ROR1: variants seen among roughly 807,000 people sequenced by gnomAD.
ROR1 encodes the protein ROR family WNT receptor 1.
In ROR1, 19 loss-of-function variants were observed where a neutral mutation model predicts 78.8. The observed-to-expected ratio is 0.24, with a 90% confidence interval of 0.17 to 0.35. The LOEUF (loss-of-function observed/expected upper bound fraction) is 0.35, where lower values mean the gene tolerates loss of function less well. Ranked by LOEUF, ROR1 falls within the 10% of genes least tolerant of loss-of-function variation. ROR1 has a pLI of 1.00. For missense variants in ROR1, 917 were observed against 1,177.8 expected (o/e 0.78, Z 3.24); for synonymous variants, 386 against 433.6 (o/e 0.89, Z 1.36).
chr1:64,005,506 A>G (rs191770634), intron 1 of ROR1, among the ~76,000 whole-genome samples: 161 of 152,302 alleles, frequency 1.1e-3, no homozygotes, highest in Admixed American at 9.3e-3. Context: ...GGTGGTAAAT[A>G]TACCTGGAAA....
At chr1:63,844,393 C>A (rs1040703658) in intron 1 of ROR1, among the ~76,000 whole-genome samples, 1 of 152,188 alleles carries the variant, frequency 6.6e-6, no homozygotes, top group South Asian at 2.1e-4. Context: ...TTGGATGCTC[C>A]ATGCATGTGT....
chr1:63,941,183 A>C (rs1645836545), intron 1 of ROR1, among the ~76,000 whole-genome samples: 1 of 152,208 alleles, frequency 6.6e-6, no homozygotes, highest in Non-Finnish European at 1.5e-5. Flanking sequence ...TACATTATTG[A>C]AACAATTGAA....
intron 2 of ROR1, among the ~76,000 whole-genome samples, chr1:64,016,967 G>A (rs559178422): frequency 1.3e-5 from 2 of 151,872 alleles, no homozygotes; most frequent in South Asian, 4.2e-4. Flanking sequence ...GCCCAGGCTG[G>A]AGTCCAGTGA....
intron 1 of ROR1, among the ~76,000 whole-genome samples, chr1:63,855,396 A>G (rs1370682888): frequency 2.6e-5 from 4 of 152,212 alleles, no homozygotes; most frequent in African/African-American, 4.8e-5. Flanking sequence ...TATATTTGAT[A>G]CTTAATTCGC....
At chr1:64,018,103 C>T (rs144644876) in intron 2 of ROR1, among the ~76,000 whole-genome samples, 182 of 152,254 alleles carry the variant, frequency 1.2e-3, no homozygotes, top group Non-Finnish European at 2.0e-3. Flanking sequence ...AAGGTACTTC[C>T]AGAAACCTAT....
intron 4 of ROR1, among the ~76,000 whole-genome samples, chr1:64,058,121 T>C (rs1646889424): frequency 6.6e-6 from 1 of 152,226 alleles, no homozygotes; most frequent in Admixed American, 6.5e-5. Context: ...CTTAATATCA[T>C]CTCAGTTTAT....
chr1:63,834,261 G>A (rs950022655), intron 1 of ROR1, among the ~76,000 whole-genome samples: 1 of 151,882 alleles, frequency 6.6e-6, no homozygotes, highest in Admixed American at 6.6e-5. Flanking sequence ...CTCTGAGCCT[G>A]CAAACTAGAG....
At chr1:64,090,561 A>G (rs893513003) in intron 4 of ROR1, among the ~76,000 whole-genome samples, 1 of 152,216 alleles carries the variant, frequency 6.6e-6, no homozygotes, top group Non-Finnish European at 1.5e-5. Context: ...CAGGGAAATG[A>G]CCCAAAAGCT....
intron 1 of ROR1, among the ~76,000 whole-genome samples, chr1:63,874,080 G>A (rs1054313325): frequency 6.6e-6 from 1 of 152,016 alleles, no homozygotes; most frequent in African/African-American, 2.4e-5. Flanking sequence ...ATTTAAAAAT[G>A]GGCAAGATAC....
At chr1:64,138,063 A>G (rs1274696123) in intron 5 of ROR1, among the ~76,000 whole-genome samples, 1 of 152,222 alleles carries the variant, frequency 6.6e-6, no homozygotes, top group Admixed American at 6.5e-5. Flanking sequence ...AATTGAAAGT[A>G]TCCTTTTGAT....
At chr1:64,072,576 G>T (rs1480372846) in intron 4 of ROR1, among the ~76,000 whole-genome samples, 6 of 152,160 alleles carry the variant, frequency 3.9e-5, no homozygotes, top group Non-Finnish European at 8.8e-5. Flanking sequence ...ATATGTTTGT[G>T]GGGAGAGGAG....
At chr1:63,970,569 T>C (rs1209151743) in intron 1 of ROR1, among the ~76,000 whole-genome samples, 1 of 152,140 alleles carries the variant, frequency 6.6e-6, no homozygotes, top group Non-Finnish European at 1.5e-5. Flanking sequence ...TTCATGCCAC[T>C]GAACCCTAAG....
rs1198960237 is a variant in ROR1 at position 64,023,575 on chromosome 1, T to C, written c.163+14199T>C. 3.9e-5 allele frequency among the ~76,000 whole-genome samples: 6 copies of C among 152,228 alleles called. No individual in the cohort carries two copies. The East Asian group carries it at 7.7e-4, about 20-fold the overall frequency. On this transcript the variant is annotated intron_variant, in intron 2 of 8. Coordinates refer to ENST00000371079, the MANE Select transcript of ROR1 (RefSeq NM_005012.4). ...ACAAAAAACTAGCTCTTGCAATATC[T>C]AAACATATTTATTTATTGTAGAAAA...
chr1:63,993,821 C>T (rs1289281566), intron 1 of ROR1, among the ~76,000 whole-genome samples: 1 of 152,134 alleles, frequency 6.6e-6, no homozygotes, highest in Admixed American at 6.5e-5. Context: ...ATAGACAATA[C>T]TGCCATGAAA....
At chr1:63,969,659 T>C (rs144716758) in intron 1 of ROR1, among the ~76,000 whole-genome samples, 2 of 152,296 alleles carry the variant, frequency 1.3e-5, no homozygotes, top group Non-Finnish European at 1.5e-5. Context: ...CGCTCTTCCA[T>C]GTGTTTTCCA....
chr1:64,072,525 G>A (rs1647012683), intron 4 of ROR1, among the ~76,000 whole-genome samples: 1 of 152,290 alleles, frequency 6.6e-6, no homozygotes, highest in Middle Eastern at 3.4e-3. Flanking sequence ...GATTGTGAAG[G>A]CAAATGAAAA....
chr1:64,049,782 A>T lies in ROR1; in HGVS notation c.255A>T (p.Pro85=). Residue 85 remains proline, a synonymous_variant, in exon 3 of 9, where the codon CCA becomes CCT. Transcript: ENST00000371079. ...TGCACTGCAAAGTCTCTGGGAATCC[A>T]CCTCCCACCATCCGCTGGTTCAAAA... ...AELHCKVSGN[P]PPTIRWFKND... The T allele has an allele frequency of 6.2e-7, 1 of 1,613,790 alleles. No individual in the cohort carries two copies. The highest frequency in any genetic ancestry group is 8.5e-7 in the Non-Finnish European group (1 of 1,179,958).
intron 4 of ROR1, among the ~76,000 whole-genome samples, chr1:64,093,937 C>A (rs981794232): frequency 2.0e-5 from 3 of 152,122 alleles, no homozygotes; most frequent in African/African-American, 7.2e-5. Context: ...TATTATTATG[C>A]CCATTTTACA....
At chr1:64,007,127 G>T (rs1398562574) in intron 1 of ROR1, among the ~76,000 whole-genome samples, 1 of 152,062 alleles carries the variant, frequency 6.6e-6, no homozygotes. Context: ...GGTTTGAATT[G>T]CAATTCTTCC....
Sources: allele counts gnomAD v4.1 joint callset (sites outside exome capture counted in the v4.1 genomes callset), GRCh38; gene constraint gnomAD v4.1.1; transcripts MANE v1.5; gene names NCBI Gene and HGNC (gene_info 2026-07-23, HGNC 2026-07-21).